ZMYM2: variants seen among roughly 807,000 people sequenced by gnomAD.
ZMYM2 encodes zinc finger MYM-type containing 2.
Under a neutral mutation model 162.8 loss-of-function variants are expected in ZMYM2, and 56 were observed. The observed-to-expected ratio is 0.34, with a 90% confidence interval of 0.28 to 0.43. ZMYM2 has a LOEUF of 0.43. ZMYM2 is among the 20% of genes least tolerant of loss of function. The pLI is 1.00. For synonymous variants in ZMYM2, 510 were observed against 541.6 expected (o/e 0.94, Z 0.81); for missense variants, 1,275 against 1,621.8 (o/e 0.79, Z 3.67).
At chr13:19,918,490 T>C in the ZMYM2 span, among the ~76,000 whole-genome samples, 1 of 144,412 alleles carries the variant, frequency 6.9e-6, no homozygotes, top group African/African-American at 2.6e-5. Flanking sequence ...TCTTTTTCTT[T>C]CTTTCTTTTT....
At chr13:20,036,438 ATCTG>A (rs1260666107) in intron 11 of ZMYM2, among the ~76,000 whole-genome samples, 3 of 152,250 alleles carry the variant, frequency 2.0e-5, no homozygotes, top group Non-Finnish European at 2.9e-5. Flanking sequence ...TTAAGATTCT[ATCTG>A]TCTATTTCCC....
chr13:20,058,481 G>A, intron 14 of ZMYM2, 94 bp from the exon 15 acceptor site: 27 of 1,438,296 alleles, frequency 1.9e-5, no homozygotes, highest in Non-Finnish European at 2.5e-5. Context: ...GCTTTTGTGT[G>A]TTCCCTTCTT....
At chr13:19,921,606 A>G in the ZMYM2 span, among the ~76,000 whole-genome samples, 2 of 152,196 alleles carry the variant, frequency 1.3e-5, no homozygotes, top group Non-Finnish European at 2.9e-5. Flanking sequence ...GATTAAAAAA[A>G]TATGTATACA....
Position 20,082,866 on chromosome 13 carries a change from A to T in ZMYM2, c.3654A>T (p.Thr1218=). 6.2e-7 allele frequency: 1 copy of T among 1,613,948 alleles called. No individual in the cohort carries two copies. Residue 1218 remains threonine, a synonymous_variant, in exon 23 of 25, where the codon ACA becomes ACT. Coordinates refer to ENST00000610343, the MANE Select transcript of ZMYM2 (RefSeq NM_197968.4). ...GSHSPVALLN[T]LFYFNTKYFG... ...ACTCTCCAGTAGCTCTTCTGAATAC[A>T]CTGTTCTACTTTAACACTAAGTATT...
chr13:19,884,139 G>A, the ZMYM2 span, among the ~76,000 whole-genome samples: 2 of 152,166 alleles, frequency 1.3e-5, no homozygotes, highest in Non-Finnish European at 2.9e-5. Context: ...GGAAGGCTGA[G>A]GCAGGATTGC....
At chr13:19,874,678 A>C in the ZMYM2 span, among the ~76,000 whole-genome samples, 1 of 151,412 alleles carries the variant, frequency 6.6e-6, no homozygotes, top group African/African-American at 2.4e-5. Context: ...CATAATCCTT[A>C]ATTTAATCAT....
intron 1 of ZMYM2, among the ~76,000 whole-genome samples, chr13:19,959,283 G>C (rs952350475): frequency 4.6e-5 from 7 of 151,888 alleles, no homozygotes; most frequent in African/African-American, 1.7e-4. Flanking sequence ...GCCCCGGCTG[G>C]GTCTCCGCTC....
chr13:20,004,303 G>A (rs933945924), intron 4 of ZMYM2, among the ~76,000 whole-genome samples: 1 of 151,998 alleles, frequency 6.6e-6, no homozygotes, highest in Non-Finnish European at 1.5e-5. Flanking sequence ...CGCCCTGGCT[G>A]GAGTGCAGTG....
chr13:20,016,799 A>C (rs6490508), intron 6 of ZMYM2, among the ~76,000 whole-genome samples: 2 of 152,220 alleles, frequency 1.3e-5, no homozygotes, highest in African/African-American at 2.4e-5. Context: ...TTGATTATAA[A>C]GTGTCTTATT....
intron 14 of ZMYM2, among the ~76,000 whole-genome samples, chr13:20,053,426 G>A (rs7333363): frequency 0.068 from 10,390 of 152,234 alleles, 455 homozygotes; most frequent in African/African-American, 0.11. Context: ...CAAGGCAAGT[G>A]GATCACCTGA....
chr13:19,887,948 T>C, the ZMYM2 span, among the ~76,000 whole-genome samples: 285 of 151,376 alleles, frequency 1.9e-3, 4 homozygotes, highest in Non-Finnish European at 9.7e-4. Context: ...TGCTATGATC[T>C]CTAGCTCACT....
chr13:19,941,720 CTTT>C, the ZMYM2 span, among the ~76,000 whole-genome samples: 4 of 63,004 alleles, frequency 6.3e-5, no homozygotes, highest in Non-Finnish European at 8.2e-5. Flanking sequence ...TGGCTTTCTG[CTTT>C]TTTTTTTTTT....
intron 7 of ZMYM2, among the ~76,000 whole-genome samples, chr13:20,021,176 C>T (rs887454667): frequency 3.7e-4 from 56 of 152,070 alleles, no homozygotes; most frequent in African/African-American, 1.3e-3. Context: ...GGGGTTTCAC[C>T]GTGTTAGCCA....
intron 3 of ZMYM2, among the ~76,000 whole-genome samples, chr13:19,994,329 AAAAC>A (rs1316687505): frequency 1.3e-5 from 2 of 152,234 alleles, no homozygotes; most frequent in South Asian, 2.1e-4. Flanking sequence ...TTTAAAAAGC[AAAAC>A]AAACAAAAGA....
chr13:19,977,123 G>A (rs1026309520), intron 2 of ZMYM2, among the ~76,000 whole-genome samples: 1 of 152,084 alleles, frequency 6.6e-6, no homozygotes, highest in African/African-American at 2.4e-5. Context: ...CATATATTAG[G>A]TTTTCTATCC....
At chr13:19,891,611 A>C in the ZMYM2 span, among the ~76,000 whole-genome samples, 2 of 109,328 alleles carry the variant, frequency 1.8e-5, no homozygotes, top group Non-Finnish European at 4.0e-5. Flanking sequence ...TCACCTTTAC[A>C]AAAAAAAAAA....
In ZMYM2 at chr13:19,962,975, T is replaced by G. The variant is rs137973371; in HGVS notation, c.-11+2949T>G. On this transcript the variant is annotated intron_variant, in intron 2 of 24. Transcript: ENST00000610343. ...AGCTGGGACTACAGGCACGTGCCAC[T>G]ACACCTGGCTAGTTTTGTATTTTTA... Among the ~76,000 whole-genome samples, 174 of 152,044 alleles carry G rather than the reference T, an allele frequency of 1.1e-3. 1 individual carries two copies. The Middle Eastern group carries it at 0.017, about 15-fold the overall frequency.
chr13:20,068,197 G>A lies in ZMYM2; in HGVS notation c.3453+807G>A, dbSNP rs572112567. 4.4e-5 allele frequency: 8 copies of A among 180,930 alleles called. No individual in the cohort carries two copies. The South Asian group carries it at 1.4e-3, about 31-fold the overall frequency. The allele number at this position is 180,930 out of a possible 1,614,324, so 11.2% of individuals were successfully genotyped here. The stretch of plus-strand genomic sequence containing the variant: ...CTTGCAGTAGCAACCTAAAAGATAC[G>A]TGAATAGGTTTACTTTTTTCTTATT... On this transcript the variant is annotated intron_variant, in intron 21 of 24. Coordinates refer to ENST00000610343, the MANE Select transcript of ZMYM2 (RefSeq NM_197968.4).
chr13:19,971,033 T>C (rs1476371865), intron 2 of ZMYM2, among the ~76,000 whole-genome samples: 1 of 151,834 alleles, frequency 6.6e-6, no homozygotes, highest in Non-Finnish European at 1.5e-5. Context: ...AGGCTTAGTT[T>C]AGTTTAGCTG....
Sources: allele counts gnomAD v4.1 joint callset (sites outside exome capture counted in the v4.1 genomes callset), GRCh38; gene constraint gnomAD v4.1.1; transcripts MANE v1.5; gene names NCBI Gene and HGNC (gene_info 2026-07-23, HGNC 2026-07-21).